TCP10L: variants seen among roughly 807,000 people sequenced by gnomAD.
TCP10L encodes T-complex protein 10A homolog 1.
In TCP10L, 11 loss-of-function variants were observed where a neutral mutation model predicts 19.2. That is an observed-to-expected ratio of 0.57 (90% CI 0.36 to 0.95). TCP10L has a LOEUF of 0.95. TCP10L is among the 40% of genes least tolerant of loss of function. TCP10L has a pLI of 0.01. For missense variants in TCP10L, 247 were observed against 263.9 expected (o/e 0.94, Z 0.44); for synonymous variants, 96 against 97.2 (o/e 0.99, Z 0.07).
rs1185480232 is a variant in TCP10L, at chr21:32,576,252, G to A, written c.*522C>T. 25 of 1,567,752 alleles carry A rather than the reference G, an allele frequency of 1.6e-5. No individual in the cohort carries two copies. Among genetic ancestry groups the A allele is most frequent in the East Asian group, 2.3e-5 (1 of 43,926 alleles). The stretch of plus-strand genomic sequence containing the variant: ...CTGCCATCTGCTCCTGCAGCATGGC[G>A]GCCTGGGAAGCCTGCACTGGTGATT... On this transcript the variant is annotated 3_prime_UTR_variant, in exon 5 of 5. Coordinates refer to ENST00000300258, the MANE Select transcript of TCP10L (RefSeq NM_144659.7).
intron 2 of TCP10L, among the ~76,000 whole-genome samples, chr21:32,583,598 A>C: frequency 6.7e-6 from 1 of 149,912 alleles, no homozygotes; most frequent in African/African-American, 2.5e-5. Context: ...CAAAAAAAAA[A>C]AAAAAAAAAA....
rs1601126508 is a variant in TCP10L, at chr21:32,582,520, C to T, written c.145-105G>A. 1 of 1,063,660 alleles carries T rather than the reference C, an allele frequency of 9.4e-7. No individual in the cohort carries two copies. The highest frequency in any genetic ancestry group is 1.6e-5 in the African/African-American group (1 of 62,622). 65.9% of individuals were successfully genotyped at this position (1,063,660 alleles called of 1,614,324 possible). ...CTCTGATGTAAGACCAACACTATTT[C>T]TGGAATAAAAGACACCCGATGAGAT... On this transcript the variant is annotated intron_variant, in intron 2 of 4. Transcript: ENST00000300258. The surrounding 1 kb of genome is among the most constrained non-coding windows in gnomAD (Gnocchi z 4.2).
intron 2 of TCP10L, among the ~76,000 whole-genome samples, chr21:32,583,594 A>C (rs1601128035): frequency 1.4e-5 from 1 of 73,828 alleles, no homozygotes. Context: ...GTCTCAAAAA[A>C]AAAAAAAAAA....
rs189883106 is a variant in TCP10L, at chr21:32,574,054, G to A, written c.*2720C>T. The stretch of plus-strand genomic sequence containing the variant: ...TTTCTCGGGAGAACAGAAAACAAGC[G>A]GGACCTGTGTTCCCAGACTTCCCCG... On this transcript the variant is annotated 3_prime_UTR_variant, in exon 5 of 5. Coordinates refer to ENST00000300258, the MANE Select transcript of TCP10L (RefSeq NM_144659.7). 3.3e-5 allele frequency: 5 copies of A among 152,138 alleles called. No individual in the cohort carries two copies. The highest frequency in any genetic ancestry group is 1.9e-4 in the East Asian group (1 of 5,180). The allele number at this position is 152,138 out of a possible 1,614,324, so 9.4% of individuals were successfully genotyped here. A position where few individuals can be genotyped will look rare whatever the true frequency, so the allele number is the denominator to read the frequency against.
At chr21:32,583,193 C>T (rs2038516156) in intron 2 of TCP10L, among the ~76,000 whole-genome samples, 1 of 151,810 alleles carries the variant, frequency 6.6e-6, no homozygotes, top group Non-Finnish European at 1.5e-5. Context: ...TGCCACCACA[C>T]CTGGCTAATT....
rs2038534170 is a variant in TCP10L, at chr21:32,584,309, G to A, written c.-1-4C>T. 2 of 1,612,848 alleles carry A rather than the reference G, an allele frequency of 1.2e-6. No homozygotes were observed. Among genetic ancestry groups the A allele is most frequent in the African/African-American group, 1.3e-5 (1 of 74,904 alleles). ...CTCGAGTTGACCTGCCAGCATCCTG[G>A]TTGGGAAGGGAAGGGCTATGGGGAC... is the stretch of plus-strand genomic sequence containing the variant. On this transcript the variant is annotated splice_region_variant and splice_polypyrimidine_tract_variant and intron_variant, in intron 1 of 4. Coordinates refer to ENST00000300258, the MANE Select transcript of TCP10L (RefSeq NM_144659.7).
intron 4 of TCP10L, chr21:32,577,423 T>G (rs1420052384): frequency 2.0e-5 from 3 of 152,822 alleles, no homozygotes; most frequent in Non-Finnish European, 4.4e-5. Flanking sequence ...GCTCTTTTCC[T>G]ACTTGTGACA....
In TCP10L at chr21:32,584,203, T is replaced by C. The variant is rs2038531761; in HGVS notation, c.102A>G (p.Ala34=). 1.2e-6 allele frequency: 2 copies of C among 1,613,924 alleles called. No individual in the cohort carries two copies. The part of the protein sequence containing the change: ...AGAVMEKTAV[A]AEVLTEDCNT... ...TGCAGTCCTCCGTGAGAACCTCGGC[T>C]GCCACAGCTGTCTTCTCCATGACAG... Residue 34 remains alanine (A), a synonymous_variant, in exon 2 of 5, where the codon GCA becomes GCG. Transcript: ENST00000300258.
Position 32,578,390 on chromosome 21 carries a change from G to A in TCP10L, c.498+304C>T, listed in dbSNP as rs992319975. On this transcript the variant is annotated intron_variant, in intron 4 of 4. Coordinates refer to ENST00000300258, the MANE Select transcript of TCP10L (RefSeq NM_144659.7). The surrounding 1 kb of genome is among the most constrained non-coding windows in gnomAD (Gnocchi z 4.2). ...AGACAGTGCCACACACATCACCTCC[G>A]CAGCCTGCACCCACGGAAACAAAGC... Among the ~76,000 whole-genome samples the A allele has an allele frequency of 6.6e-6, 1 of 152,224 alleles. No individual in the cohort carries two copies. Among genetic ancestry groups the A allele is most frequent in the Non-Finnish European group, 1.5e-5 (1 of 68,046 alleles).
chr21:32,576,737 T>A lies in TCP10L; in HGVS notation c.*37A>T. 6.2e-7 allele frequency: 1 copy of A among 1,605,198 alleles called. No individual in the cohort carries two copies. Among genetic ancestry groups the A allele is most frequent in the African/African-American group, 1.3e-5 (1 of 74,628 alleles). On this transcript the variant is annotated 3_prime_UTR_variant, in exon 5 of 5. Coordinates refer to ENST00000300258, the MANE Select transcript of TCP10L (RefSeq NM_144659.7). ...ATCTGAATTTTCCAAGGGGCCAGTGTAGAGTGACACAGGTGTCCGAGGCCA... is the reference window on the plus strand; with the variant it reads ...ATCTGAATTTTCCAAGGGGCCAGTGAAGAGTGACACAGGTGTCCGAGGCCA...
Position 32,582,571 on chromosome 21 carries a change from T to C in TCP10L, c.145-156A>G. 1.6e-6 allele frequency: 1 copy of C among 630,536 alleles called. No homozygotes were observed. Among genetic ancestry groups the C allele is most frequent in the South Asian group, 2.2e-5 (1 of 45,054 alleles). The allele number at this position is 630,536 out of a possible 1,614,324, so 39.1% of individuals were successfully genotyped here. On this transcript the variant is annotated intron_variant, in intron 2 of 4. Coordinates refer to ENST00000300258, the MANE Select transcript of TCP10L (RefSeq NM_144659.7). This position sits in a 1 kb window ranked among gnomAD's most constrained non-coding sequence, Gnocchi z 4.2. ...AAACAGGACTACCACAGCCTTTTTC[T>C]TTCTTCTTTCTTTCCTTTCTTTCTT...
At position 32,584,290 on chromosome 21, in the gene TCP10L, T is replaced by G. The variant is rs375422861; in HGVS notation, c.15A>C (p.Gln5His). 3 of 1,613,490 alleles carry G rather than the reference T, an allele frequency of 1.9e-6. No homozygotes were observed. Among genetic ancestry groups the G allele is most frequent in the East Asian group, 4.5e-5 (2 of 44,870 alleles). The change falls in exon 2 of 5, where the codon CAA (glutamine) becomes CAC (histidine). Residue 5 changes from glutamine to histidine, a missense_variant. Gln to His is a conservative substitution (Grantham distance 24, BLOSUM62 0). Transcript: ENST00000300258. The part of the protein sequence containing the change: MLAG[Q>H]LEARDPKEGT... ...CCTCTTTGGGGTCCCTGGCCTCGAG[T>G]TGACCTGCCAGCATCCTGGTTGGGA...
At position 32,578,609 on chromosome 21, in the gene TCP10L, T is replaced by C. The variant is rs1193503911; in HGVS notation, c.498+85A>G. On this transcript the variant is annotated intron_variant, in intron 4 of 4. Coordinates refer to ENST00000300258, the MANE Select transcript of TCP10L (RefSeq NM_144659.7). The surrounding 1 kb of genome is among the most constrained non-coding windows in gnomAD (Gnocchi z 4.2). ...ACCATGCTCACCCAGGGAGGTGAAA[T>C]TGTGTGGTGAGGAGCTGATGGGATG... 8.5e-6 allele frequency: 13 copies of C among 1,537,134 alleles called. No individual in the cohort carries two copies. Among genetic ancestry groups the C allele is most frequent in the Non-Finnish European group, 1.1e-5 (13 of 1,143,102 alleles).
Position 32,575,539 on chromosome 21 carries a change from G to A in TCP10L, c.*1235C>T. 6.5e-6 allele frequency: 1 copy of A among 152,680 alleles called. No individual in the cohort carries two copies. The allele number at this position is 152,680 out of a possible 1,614,324, so 9.5% of individuals were successfully genotyped here. On this transcript the variant is annotated 3_prime_UTR_variant, in exon 5 of 5. Transcript: ENST00000300258. ...CCAGGTGCCAGGCAGCCCAGGGCGA[G>A]TGGTGCCCACAGGCTTGGGCTGTGC... is the stretch of plus-strand genomic sequence containing the variant.
In TCP10L at chr21:32,580,824, G is replaced by A. The variant is rs192531355; in HGVS notation, c.360+1376C>T. 2.3e-3 allele frequency among the ~76,000 whole-genome samples: 351 copies of A among 152,320 alleles called. 2 individuals are homozygous for A. The highest frequency in any genetic ancestry group is 5.3e-3 in the Admixed American group (81 of 15,304). Reference sequence around the variant, plus strand: ...GTGTGATCAAACGTGAAAGCTCAGTGTTCTGTAGAGGCAGGCTGGTGCTGG... The same window carrying A: ...GTGTGATCAAACGTGAAAGCTCAGTATTCTGTAGAGGCAGGCTGGTGCTGG... On this transcript the variant is annotated intron_variant, in intron 3 of 4. Transcript: ENST00000300258.
In TCP10L at chr21:32,576,612, G is replaced by A. The variant is rs539103616; in HGVS notation, c.*162C>T. ...TAGAGACATGTCTGAAGAACTTCAA[G>A]TTTTTATCTATAGAAACATAATTAG... On this transcript the variant is annotated 3_prime_UTR_variant, in exon 5 of 5. Transcript: ENST00000300258. 3.1e-5 allele frequency: 25 copies of A among 805,864 alleles called. No individual in the cohort carries two copies. In the South Asian group the frequency reaches 5.1e-4, roughly 17 times the overall value. The allele number at this position is 805,864 out of a possible 1,614,324, so 49.9% of individuals were successfully genotyped here. A position where few individuals can be genotyped will look rare whatever the true frequency, so the allele number is the denominator to read the frequency against.
intron 1 of TCP10L, among the ~76,000 whole-genome samples, chr21:32,585,028 C>G (rs1370924255): frequency 6.6e-6 from 1 of 152,214 alleles, no homozygotes; most frequent in Non-Finnish European, 1.5e-5. Flanking sequence ...AAGCTGCCTC[C>G]ACCCCTGCCT....
intron 3 of TCP10L, among the ~76,000 whole-genome samples, chr21:32,581,168 C>G (rs914792987): frequency 6.6e-6 from 1 of 152,204 alleles, no homozygotes; most frequent in Non-Finnish European, 1.5e-5. Context: ...ACACAGCAGA[C>G]GCCAGCAGGC....
chr21:32,582,174 C>T lies in TCP10L; in HGVS notation c.360+26G>A. 1 of 1,610,420 alleles carries T rather than the reference C, an allele frequency of 6.2e-7. No individual in the cohort carries two copies. Among genetic ancestry groups the T allele is most frequent in the Non-Finnish European group, 8.5e-7 (1 of 1,178,230 alleles). Reference sequence around the variant, plus strand: ...CTATTTTTACATAACGCAAACGGTACAAAAACATAAATGCGCTTTTGGTAC... The same window carrying T: ...CTATTTTTACATAACGCAAACGGTATAAAAACATAAATGCGCTTTTGGTAC... On this transcript the variant is annotated intron_variant, in intron 3 of 4. Transcript: ENST00000300258. The surrounding 1 kb of genome is among the most constrained non-coding windows in gnomAD (Gnocchi z 4.2).
Sources: allele counts gnomAD v4.1 joint callset (sites outside exome capture counted in the v4.1 genomes callset), GRCh38; gene constraint gnomAD v4.1.1; non-coding constraint Gnocchi (gnomAD v3.1); transcripts MANE v1.5; gene names NCBI Gene and HGNC (gene_info 2026-07-23, HGNC 2026-07-21).